Variants in FLRT2 observed in about 807,000 individuals in gnomAD.
FLRT2 encodes the protein leucine-rich repeat transmembrane protein FLRT2.
FLRT2 carries 15 observed loss-of-function variants against 40.0 expected under a neutral mutation model. The observed-to-expected ratio is 0.38, with a 90% CI of 0.25 to 0.58. The LOEUF (loss-of-function observed/expected upper bound fraction) is 0.58. Among genes scored for constraint, FLRT2 ranks in the 20% least tolerant of loss-of-function variants. FLRT2 has a pLI of 0.71. For synonymous variants in FLRT2, 380 were observed against 336.8 expected, an observed-to-expected ratio of 1.13 and a Z score of -1.41; for missense variants, 726 against 840.0, an observed-to-expected ratio of 0.86 and a Z score of 1.68.
Position 85,623,018 on chromosome 14 carries a change from C to T in FLRT2, c.1504C>T (p.Arg502Cys), listed in dbSNP as rs779534886. The change falls in exon 2 of 2, where the codon CGC becomes TGC. Residue 502 changes from arginine to cysteine, a missense_variant. By Grantham distance (180) the Arg-to-Cys change is radical. Coordinates refer to ENST00000330753, the MANE Select transcript of FLRT2 (RefSeq NM_013231.6). Reference protein sequence around the residue: ...CLVPLDAFNYRAVEDTICSEA... With the variant: ...CLVPLDAFNYCAVEDTICSEA... ...AGTGCCACTGGATGCTTTTAACTAC[C>T]GCGCGGTAGAAGACACCATTTGTTC... is the stretch of plus-strand genomic sequence containing the variant. 2.5e-6 allele frequency: 4 copies of T among 1,614,176 alleles called. No individual in the cohort carries two copies. The highest frequency in any genetic ancestry group is 2.2e-5 in the East Asian group (1 of 44,870).
intron 1 of FLRT2, among the ~76,000 whole-genome samples, chr14:85,582,209 G>T (rs1376420955): frequency 6.6e-6 from 1 of 152,084 alleles, no homozygotes; most frequent in African/African-American, 2.4e-5. Flanking sequence ...AGCCATATGA[G>T]CATTATTCTG....
At chr14:85,577,950 C>G (rs986008570) in intron 1 of FLRT2, among the ~76,000 whole-genome samples, 2 of 151,422 alleles carry the variant, frequency 1.3e-5, no homozygotes, top group African/African-American at 4.9e-5. Flanking sequence ...CAGACTTTGG[C>G]CTTTATTCAG....
At position 85,558,476 on chromosome 14, in the gene FLRT2, C is replaced by T. The variant is rs549202410; in HGVS notation, c.-377+27942C>T. On this transcript the variant is annotated intron_variant, in intron 1 of 1. Coordinates refer to ENST00000330753, the MANE Select transcript of FLRT2 (RefSeq NM_013231.6). The stretch of plus-strand genomic sequence containing the variant: ...ATGTTCCTGGATAAATGTCGATATG[C>T]ATTATTAAATGAAACAGTGGTAAAA... Among the ~76,000 whole-genome samples, 170 of 152,226 alleles carry T rather than the reference C, an allele frequency of 1.1e-3. 1 individual carries two copies. Among genetic ancestry groups the T allele is most frequent in the African/African-American group, 4.0e-3 (165 of 41,532 alleles).
At chr14:85,562,620 C>CTTTCTTTTTT (rs528652422) in intron 1 of FLRT2, 4 of 115,522 alleles carry the variant, frequency 3.5e-5, no homozygotes, top group Non-Finnish European at 5.2e-5. Context: ...TTCTTTCTTT[C>CTTTCTTTTTT]TTTTTTTTTT....
intron 1 of FLRT2, among the ~76,000 whole-genome samples, chr14:85,532,842 T>C (rs897651958): frequency 6.6e-6 from 1 of 152,158 alleles, no homozygotes; most frequent in African/African-American, 2.4e-5. Flanking sequence ...TTCGATCATT[T>C]CTCAGTGTCT....
At chr14:85,616,332 A>AC (rs1411788672) in intron 1 of FLRT2, among the ~76,000 whole-genome samples, 3 of 152,092 alleles carry the variant, frequency 2.0e-5, no homozygotes, top group Non-Finnish European at 4.4e-5. Context: ...AAAAAAAAAA[A>AC]AACCCTTTTC....
intron 1 of FLRT2, among the ~76,000 whole-genome samples, chr14:85,532,943 G>A (rs1888375090): frequency 6.6e-6 from 1 of 152,198 alleles, no homozygotes; most frequent in South Asian, 2.1e-4. Context: ...TATCCCTAAG[G>A]ACTGGTGGTA....
At chr14:85,615,132 G>A (rs573278519) in intron 1 of FLRT2, among the ~76,000 whole-genome samples, 23 of 152,282 alleles carry the variant, frequency 1.5e-4, no homozygotes, top group Non-Finnish European at 2.4e-4. Flanking sequence ...AGTAGTTGAC[G>A]TGGAAAGAGG....
intron 1 of FLRT2, among the ~76,000 whole-genome samples, chr14:85,549,284 C>T (rs1048633603): frequency 1.3e-5 from 2 of 151,866 alleles, no homozygotes; most frequent in African/African-American, 4.9e-5. Context: ...CACTGTAACA[C>T]AGGGCCTCTG....
chr14:85,648,197 G>C lies in FLRT2; in HGVS notation c.*24700G>C, dbSNP rs2139407695. 6.6e-6 allele frequency: 1 copy of C among 152,188 alleles called. No individual in the cohort carries two copies. The highest frequency in any genetic ancestry group is 2.1e-4 in the South Asian group (1 of 4,818). The allele number at this position is 152,188 out of a possible 1,614,324, so 9.4% of individuals were successfully genotyped here. ...ATAAGGAATAGTTACTGTATGTTAGGCAGGTGCATGTTGTTATTGCTACTT... is the reference window on the plus strand; with the variant it reads ...ATAAGGAATAGTTACTGTATGTTAGCCAGGTGCATGTTGTTATTGCTACTT... On this transcript the variant is annotated 3_prime_UTR_variant, in exon 2 of 2. Transcript: ENST00000330753.
In FLRT2 at chr14:85,640,979, AT is replaced by A. The variant is rs759330679; in HGVS notation, c.*17485del. 7.2e-5 allele frequency: 11 copies of A among 152,276 alleles called. No individual in the cohort carries two copies. The highest frequency in any genetic ancestry group is 1.4e-4 in the African/African-American group (6 of 41,562). 9.4% of individuals were successfully genotyped at this position (152,276 alleles called of 1,614,324 possible). ...AACTGTAGCCATAATTTCCTCATAG[AT>A]TTGGTATGAGTTAAAATGCATAGAA... On this transcript the variant is annotated 3_prime_UTR_variant, in exon 2 of 2. Transcript: ENST00000330753.
intron 1 of FLRT2, among the ~76,000 whole-genome samples, chr14:85,580,795 A>T (rs1208574219): frequency 6.6e-6 from 1 of 152,034 alleles, no homozygotes; most frequent in Non-Finnish European, 1.5e-5. Context: ...CTGCCTTTTG[A>T]TTTTCTTTTT....
At chr14:85,573,230 C>G (rs1890975939) in intron 1 of FLRT2, among the ~76,000 whole-genome samples, 1 of 151,862 alleles carries the variant, frequency 6.6e-6, no homozygotes, top group African/African-American at 2.4e-5. Flanking sequence ...GAGAGGGAGA[C>G]CCTCCCTCTC....
intron 1 of FLRT2, among the ~76,000 whole-genome samples, chr14:85,570,254 A>G (rs1890825200): frequency 1.3e-5 from 2 of 152,208 alleles, no homozygotes; most frequent in African/African-American, 2.4e-5. Context: ...CCAACTCCAA[A>G]TTAGATTCTA....
At chr14:85,545,292 T>A (rs1281384194) in intron 1 of FLRT2, among the ~76,000 whole-genome samples, 2 of 152,220 alleles carry the variant, frequency 1.3e-5, no homozygotes, top group Non-Finnish European at 2.9e-5. Context: ...TATTATCTCA[T>A]CTAAACCTTG....
chr14:85,638,221 G>GTGGT lies in FLRT2; in HGVS notation c.*14728_*14731dup, dbSNP rs1421816790. The GTGGT allele has an allele frequency of 6.6e-6, 1 of 152,204 alleles. No individual in the cohort carries two copies. The highest frequency in any genetic ancestry group is 1.5e-5 in the Non-Finnish European group (1 of 68,056). 9.4% of individuals were successfully genotyped at this position (152,204 alleles called of 1,614,324 possible). A position where few individuals can be genotyped will look rare whatever the true frequency, so the allele number is the denominator to read the frequency against. ...ACCGCAGAGAGCAAGGTTTACCTGT[G>GTGGT]TGGTTGGCATTCTTGGAAGTGCTCT... On this transcript the variant is annotated 3_prime_UTR_variant, in exon 2 of 2. Transcript: ENST00000330753.
Position 85,637,088 on chromosome 14 carries a change from T to G in FLRT2, c.*13591T>G, listed in dbSNP as rs1002677339. On this transcript the variant is annotated 3_prime_UTR_variant, in exon 2 of 2. Coordinates refer to ENST00000330753, the MANE Select transcript of FLRT2 (RefSeq NM_013231.6). The stretch of plus-strand genomic sequence containing the variant: ...TTAGGGAAAAACTAGCAACATGTTT[T>G]GTGGAGATAAATGTAAACACATTTT... 2.0e-5 allele frequency: 3 copies of G among 152,172 alleles called. No homozygotes were observed. Among genetic ancestry groups the G allele is most frequent in the Non-Finnish European group, 4.4e-5 (3 of 68,028 alleles). 9.4% of individuals were successfully genotyped at this position (152,172 alleles called of 1,614,324 possible).
intron 1 of FLRT2, among the ~76,000 whole-genome samples, chr14:85,577,334 A>G (rs1198452538): frequency 1.3e-5 from 2 of 152,302 alleles, no homozygotes; most frequent in Non-Finnish European, 2.9e-5. Flanking sequence ...TTAGATGACA[A>G]ATGAATCCAT....
intron 1 of FLRT2, among the ~76,000 whole-genome samples, chr14:85,535,417 A>G (rs1176846929): frequency 1.3e-5 from 2 of 151,130 alleles, no homozygotes; most frequent in Non-Finnish European, 2.9e-5. Flanking sequence ...GTCCAGGGAT[A>G]TATTAGGTTG....
Sources: allele counts gnomAD v4.1 joint callset (sites outside exome capture counted in the v4.1 genomes callset), GRCh38; gene constraint gnomAD v4.1.1; transcripts MANE v1.5; gene names NCBI Gene and HGNC (gene_info 2026-07-23, HGNC 2026-07-21).